The following DLG1 variants were observed in gnomAD, a reference collection of about 807,000 sequenced individuals.
DLG1 encodes discs large MAGUK scaffold protein 1.
A neutral mutation model predicts 123.4 loss-of-function variants in DLG1; 42 were observed. That is an observed-to-expected ratio of 0.34 (90% CI 0.27 to 0.44). The LOEUF (loss-of-function observed/expected upper bound fraction) is 0.44. Among genes scored for constraint, DLG1 ranks in the 20% least tolerant of loss-of-function variants. The pLI is 1.00. For missense variants in DLG1, 942 were observed against 1,082.6 expected (o/e 0.87, Z 1.82); for synonymous variants, 317 against 356.2 (o/e 0.89, Z 1.24).
rs1231984587 is a variant in DLG1 at position 197,085,629 on chromosome 3, T to G, written c.1789A>C (p.Thr597Pro). 1.2e-6 allele frequency: 2 copies of G among 1,614,048 alleles called. No individual in the cohort carries two copies. Among genetic ancestry groups the G allele is most frequent in the Non-Finnish European group, 1.7e-6 (2 of 1,180,010 alleles). ...DDEWWQARQV[T>P]PDGESDEVGV... ...ACCTCATCGCTCTCACCATCTGGTG[T>G]AACCTGCCTGGCTTGCCACCATTCA... Residue 597 changes from threonine to proline, a missense_variant, in exon 16 of 25, where the codon ACA becomes CCA. Coordinates refer to ENST00000667157, the MANE Select transcript of DLG1 (RefSeq NM_001366207.1).
intron 4 of DLG1, among the ~76,000 whole-genome samples, chr3:197,267,432 CACTTT>C (rs1233757701): frequency 6.6e-6 from 1 of 152,128 alleles, no homozygotes; most frequent in Admixed American, 6.6e-5. Flanking sequence ...TTCCCTTCTT[CACTTT>C]ATCTTGTAAA....
chr3:197,297,226 G>C lies in DLG1; in HGVS notation c.-22C>G, dbSNP rs1365475073. The C allele has an allele frequency of 5.0e-6, 8 of 1,613,870 alleles. No homozygotes were observed. The Admixed American group carries it at 1.2e-4, about 24-fold the overall frequency. ...GCATTTTTCTCCAGAATCAGGAAGA[G>C]GGCACACACCTTTAAAACACACAAC... is the stretch of plus-strand genomic sequence containing the variant. On this transcript the variant is annotated 5_prime_UTR_variant, in exon 2 of 25. Coordinates refer to ENST00000667157, the MANE Select transcript of DLG1 (RefSeq NM_001366207.1).
intron 5 of DLG1, among the ~76,000 whole-genome samples, chr3:197,169,894 G>C (rs6766745): frequency 0.4 from 60,092 of 151,878 alleles, 12,468 homozygotes; most frequent in East Asian, 0.74. Context: ...TTATTTTTCC[G>C]GATCTTCTCC....
chr3:197,055,042 C>T lies in DLG1; in HGVS notation c.2484-3374G>A, dbSNP rs765423587. Among the ~76,000 whole-genome samples, 25 of 152,014 alleles carry T rather than the reference C, an allele frequency of 1.6e-4. 1 individual carries two copies. Among genetic ancestry groups the T allele is most frequent in the Admixed American group, 1.2e-3 (19 of 15,252 alleles). On this transcript the variant is annotated intron_variant, in intron 23 of 24. Coordinates refer to ENST00000667157, the MANE Select transcript of DLG1 (RefSeq NM_001366207.1). ...GTTGCCCAGGCTGGTCTCGAACTAC[C>T]GAACTCAGGTGTTCTGCCTGCCTCG... is the stretch of plus-strand genomic sequence containing the variant.
At chr3:197,055,988 C>T (rs1020943728) in intron 23 of DLG1, among the ~76,000 whole-genome samples, 3 of 152,168 alleles carry the variant, frequency 2.0e-5, no homozygotes, top group Non-Finnish European at 4.4e-5. Flanking sequence ...AAACCCTATG[C>T]AAAGCTGCTT....
chr3:197,194,348 T>G (rs1054577606), intron 5 of DLG1, 77 bp downstream of exon 5: 2 of 998,630 alleles, frequency 2.0e-6, no homozygotes, highest in Admixed American at 3.8e-5. Flanking sequence ...GAAAGAATAC[T>G]TCTCTCCGAG....
chr3:197,093,001 C>T (rs1484632431), intron 14 of DLG1, among the ~76,000 whole-genome samples: 3 of 152,102 alleles, frequency 2.0e-5, no homozygotes, highest in Non-Finnish European at 4.4e-5. Context: ...GCTTCTATCC[C>T]TTTTTCTCAT....
chr3:197,252,142 G>A (rs759313055), intron 4 of DLG1, among the ~76,000 whole-genome samples: 2 of 152,032 alleles, frequency 1.3e-5, no homozygotes, highest in Non-Finnish European at 1.5e-5. Context: ...GTCTATCATC[G>A]AGACAAGCTG....
intron 18 of DLG1, among the ~76,000 whole-genome samples, chr3:197,073,158 A>C (rs1745126147): frequency 6.6e-6 from 1 of 152,214 alleles, no homozygotes; most frequent in African/African-American, 2.4e-5. Flanking sequence ...CTTACATCTT[A>C]TTCGTAATGC....
intron 5 of DLG1, among the ~76,000 whole-genome samples, chr3:197,168,296 G>A (rs943375672): frequency 4.6e-5 from 7 of 152,132 alleles, no homozygotes; most frequent in Admixed American, 6.5e-5. Context: ...GGCCAACACC[G>A]CTGAGAAAGT....
intron 9 of DLG1, among the ~76,000 whole-genome samples, chr3:197,137,612 A>G (rs1785675313): frequency 6.6e-6 from 1 of 152,152 alleles, no homozygotes; most frequent in Non-Finnish European, 1.5e-5. Context: ...AAAATCATAA[A>G]AAACTTATAA....
chr3:197,292,956 A>G (rs1005158626), intron 3 of DLG1, among the ~76,000 whole-genome samples: 2 of 152,198 alleles, frequency 1.3e-5, no homozygotes, highest in South Asian at 2.1e-4. Flanking sequence ...TGAAGTCTCT[A>G]TGGACTAGCA....
chr3:197,106,128 G>A (rs1766189433), intron 13 of DLG1, among the ~76,000 whole-genome samples: 1 of 152,196 alleles, frequency 6.6e-6, no homozygotes, highest in Admixed American at 6.5e-5. Flanking sequence ...CCTTGAGGCT[G>A]GGCATGGTGG....
chr3:197,205,972 A>C (rs1402677356), intron 4 of DLG1, among the ~76,000 whole-genome samples: 1 of 152,242 alleles, frequency 6.6e-6, no homozygotes, highest in African/African-American at 2.4e-5. Flanking sequence ...TCTTCCAAGG[A>C]AACTTTGGGT....
At chr3:197,214,922 A>G (rs1483492816) in intron 4 of DLG1, among the ~76,000 whole-genome samples, 4 of 152,208 alleles carry the variant, frequency 2.6e-5, no homozygotes, top group African/African-American at 9.6e-5. Flanking sequence ...ATCTGGGCAT[A>G]CCCACAAAAC....
intron 5 of DLG1, chr3:197,184,164 C>T (rs866834095): frequency 9.8e-7 from 1 of 1,017,286 alleles, no homozygotes; most frequent in African/African-American, 1.7e-5. Context: ...GAAGTGAGGT[C>T]GATTAGCAGG....
At chr3:197,146,151 C>T (rs1790663119) in intron 6 of DLG1, among the ~76,000 whole-genome samples, 1 of 151,950 alleles carries the variant, frequency 6.6e-6, no homozygotes. Flanking sequence ...TGAAAGAAAT[C>T]ACAGATGACA....
chr3:197,137,467 C>G (rs1240613945), intron 9 of DLG1, among the ~76,000 whole-genome samples: 1 of 152,172 alleles, frequency 6.6e-6, no homozygotes, highest in Admixed American at 6.5e-5. Flanking sequence ...AAATATTTCA[C>G]TCTTTTAATG....
At chr3:197,295,146 CT>C (rs1046291833) in intron 3 of DLG1, among the ~76,000 whole-genome samples, 1 of 152,134 alleles carries the variant, frequency 6.6e-6, no homozygotes, top group African/African-American at 2.4e-5. Context: ...ATTTCTGGAG[CT>C]GGGTAACAGT....
Sources: allele counts gnomAD v4.1 joint callset (sites outside exome capture counted in the v4.1 genomes callset), GRCh38; gene constraint gnomAD v4.1.1; transcripts MANE v1.5; gene names NCBI Gene and HGNC (gene_info 2026-07-23, HGNC 2026-07-21).